Variants in FYB2 observed in about 807,000 individuals in gnomAD.
FYB2 encodes the protein FYN-binding protein 2.
In FYB2, 103 loss-of-function variants were observed where a neutral mutation model predicts 94.1. That is an observed-to-expected ratio of 1.09 (90% CI 0.93 to 1.29). The LOEUF (loss-of-function observed/expected upper bound fraction) is 1.29. Ranked by LOEUF, FYB2 falls within the 50% of genes most tolerant of loss-of-function variation. FYB2 has a pLI of 0.00. For synonymous variants in FYB2, 293 were observed against 287.9 expected (o/e 1.02, Z -0.18); for missense variants, 896 against 841.5 (o/e 1.06, Z -0.80).
At chr1:56,757,368 A>G (rs1645358477) in intron 6 of FYB2, among the ~76,000 whole-genome samples, 1 of 152,124 alleles carries the variant, frequency 6.6e-6, no homozygotes. Context: ...ACCAAAACAG[A>G]GAGATGAAGG....
chr1:56,769,886 T>C (rs1403780693), intron 4 of FYB2, among the ~76,000 whole-genome samples: 3 of 151,916 alleles, frequency 2.0e-5, no homozygotes, highest in Non-Finnish European at 4.4e-5. Flanking sequence ...AAATAAAGAG[T>C]ATCTGAATTG....
chr1:56,754,294 C>T (rs576966936), intron 7 of FYB2, among the ~76,000 whole-genome samples: 1 of 152,112 alleles, frequency 6.6e-6, no homozygotes. Flanking sequence ...TCCTCAAACC[C>T]ACCACCCTAT....
intron 17 of FYB2, 66 bp downstream of exon 17, chr1:56,723,520 ATT>A: frequency 2.4e-6 from 2 of 838,754 alleles, no homozygotes; most frequent in Non-Finnish European, 1.8e-6. Flanking sequence ...ATACTTACAG[ATT>A]TTTTTTTTAA....
At chr1:56,731,678 T>A (rs1438762203) in intron 15 of FYB2, among the ~76,000 whole-genome samples, 1 of 152,022 alleles carries the variant, frequency 6.6e-6, no homozygotes, top group East Asian at 1.9e-4. Flanking sequence ...TCAACAAAGT[T>A]GGGTCATTCA....
In FYB2 at chr1:56,744,260, T is replaced by C. The variant is rs751531218; in HGVS notation, c.1394A>G (p.His465Arg). The part of the protein sequence containing the change: ...LARHSQGHCG[H>R]LEVLESTKET... Reference sequence around the variant, plus strand: ...TTTAGTTGACTCCAAAACCTCCAGATGCCCACCTGAAAGGAAACCAGAAAA... The same window carrying C: ...TTTAGTTGACTCCAAAACCTCCAGACGCCCACCTGAAAGGAAACCAGAAAA... The change falls in exon 10 of 20, where the codon CAT becomes CGT. Residue 465 changes from histidine (H) to arginine (R), a missense_variant. By Grantham distance (29) the His-to-Arg change is conservative. Transcript: ENST00000343433. 2.9e-5 allele frequency: 46 copies of C among 1,610,534 alleles called. No individual in the cohort carries two copies. The highest frequency in any genetic ancestry group is 1.6e-4 in the Middle Eastern group (1 of 6,070).
intron 17 of FYB2, chr1:56,720,582 A>G (rs888068915): frequency 4.7e-5 from 13 of 279,280 alleles, no homozygotes; most frequent in Admixed American, 2.6e-4. Context: ...CACAACCATT[A>G]TTATTATTTT....
chr1:56,784,319 A>G (rs1403993477), intron 4 of FYB2, among the ~76,000 whole-genome samples: 1 of 152,186 alleles, frequency 6.6e-6, no homozygotes, highest in Non-Finnish European at 1.5e-5. Context: ...ATCAAAACCC[A>G]GGCTTTCATT....
At chr1:56,793,889 A>G (rs1433342173) in intron 1 of FYB2, among the ~76,000 whole-genome samples, 2 of 152,148 alleles carry the variant, frequency 1.3e-5, no homozygotes, top group African/African-American at 4.8e-5. Flanking sequence ...TTGGAACTAG[A>G]CAGACTTATG....
At chr1:56,772,508 A>T (rs1645782006) in intron 4 of FYB2, among the ~76,000 whole-genome samples, 1 of 152,186 alleles carries the variant, frequency 6.6e-6, no homozygotes, top group South Asian at 2.1e-4. Context: ...GGATCAATAT[A>T]CAGAACTTGG....
intron 4 of FYB2, among the ~76,000 whole-genome samples, chr1:56,785,193 C>T (rs1342385): frequency 0.83 from 126,042 of 152,180 alleles, 52,396 homozygotes; most frequent in Non-Finnish European, 0.87. Flanking sequence ...AACAGATTGC[C>T]GTTTCTTTGA....
chr1:56,755,024 A>T (rs1009062747), intron 7 of FYB2, among the ~76,000 whole-genome samples: 3 of 152,048 alleles, frequency 2.0e-5, no homozygotes, highest in African/African-American at 4.8e-5. Context: ...TTTTAGATTC[A>T]ACCAGGAAAT....
At chr1:56,722,345 T>C (rs146765551) in intron 17 of FYB2, among the ~76,000 whole-genome samples, 5 of 152,226 alleles carry the variant, frequency 3.3e-5, no homozygotes, top group African/African-American at 4.8e-5. Flanking sequence ...TGCACATGGA[T>C]ATAAACATAA....
intron 8 of FYB2, among the ~76,000 whole-genome samples, chr1:56,752,908 C>T (rs1387581084): frequency 6.6e-6 from 1 of 152,120 alleles, no homozygotes; most frequent in Non-Finnish European, 1.5e-5. Context: ...TTCCTGATCT[C>T]TAACTTGACA....
intron 1 of FYB2, among the ~76,000 whole-genome samples, chr1:56,806,662 C>A (rs1297293230): frequency 6.6e-6 from 1 of 152,092 alleles, no homozygotes; most frequent in Admixed American, 6.5e-5. Context: ...CTATAGAGAA[C>A]CCCCAAAGCA....
At chr1:56,735,461 G>A (rs1644809210) in intron 15 of FYB2, among the ~76,000 whole-genome samples, 1 of 152,106 alleles carries the variant, frequency 6.6e-6, no homozygotes, top group Non-Finnish European at 1.5e-5. Context: ...GGCTGGGAAA[G>A]TAGGGAATAG....
intron 5 of FYB2, among the ~76,000 whole-genome samples, chr1:56,763,603 C>T (rs971924861): frequency 1.3e-5 from 2 of 152,094 alleles, no homozygotes; most frequent in African/African-American, 4.8e-5. Flanking sequence ...GATATCCCTG[C>T]TTCAGTCTTA....
chr1:56,820,044 A>G (rs1449901233), upstream of FYB2, among the ~76,000 whole-genome samples: 1 of 152,110 alleles, frequency 6.6e-6, no homozygotes, highest in Non-Finnish European at 1.5e-5. Flanking sequence ...CGTGGCCAAC[A>G]TGGTGAAACC....
At chr1:56,738,095 T>C (rs868505184) in intron 14 of FYB2, among the ~76,000 whole-genome samples, 15 of 152,130 alleles carry the variant, frequency 9.9e-5, no homozygotes, top group Admixed American at 8.5e-4. Context: ...GAACGTGTAT[T>C]GACAGCCTAC....
intron 16 of FYB2, among the ~76,000 whole-genome samples, chr1:56,725,970 C>G (rs960430820): frequency 6.6e-6 from 1 of 152,044 alleles, no homozygotes; most frequent in African/African-American, 2.4e-5. Flanking sequence ...GTAAAAACAT[C>G]CTCTCACAAC....
Sources: gnomAD v4.1 joint callset for allele counts (sites outside exome capture counted in the v4.1 genomes callset) on GRCh38, gnomAD v4.1.1 for gene constraint, MANE v1.5 for transcripts, NCBI Gene and HGNC (gene_info 2026-07-23, HGNC 2026-07-21) for gene names.